Variants in FSTL4 observed in about 807,000 individuals in gnomAD.
FSTL4 encodes the protein follistatin-related protein 4.
In FSTL4, 28 loss-of-function variants were observed where a neutral mutation model predicts 78.2. The ratio of observed to expected loss-of-function variants is 0.36; its 90% confidence interval spans 0.27 to 0.49. The LOEUF (loss-of-function observed/expected upper bound fraction) is 0.49, where lower values mean the gene tolerates loss of function less well. Among genes scored for constraint, FSTL4 ranks in the 20% least tolerant of loss-of-function variants. The pLI is 0.98. For missense variants in FSTL4, 922 were observed against 1,084.9 expected (o/e 0.85, Z 2.11); for synonymous variants, 422 against 440.5 (o/e 0.96, Z 0.53).
chr5:133,527,902 C>T lies in FSTL4; in HGVS notation c.160+39284G>A, dbSNP rs148718821. On this transcript the variant is annotated intron_variant, in intron 3 of 15. Coordinates refer to ENST00000265342, the MANE Select transcript of FSTL4 (RefSeq NM_015082.2). ...AGCCTTGGCCTTGCTTGGCTTCCCA[C>T]CCCCAAGGAACACTGGGCACTCACC... Among the ~76,000 whole-genome samples the T allele has an allele frequency of 3.8e-3, 575 of 152,282 alleles. 1 individual carries two copies. The highest frequency in any genetic ancestry group is 6.4e-3 in the Non-Finnish European group (434 of 68,020).
intron 3 of FSTL4, among the ~76,000 whole-genome samples, chr5:133,401,875 C>T (rs1468133740): frequency 6.6e-6 from 1 of 152,020 alleles, no homozygotes; most frequent in Admixed American, 6.6e-5. Context: ...GGTTGGGGGT[C>T]AAGGTGTGAT....
chr5:133,552,151 C>T (rs983135291), intron 3 of FSTL4, among the ~76,000 whole-genome samples: 1 of 152,182 alleles, frequency 6.6e-6, no homozygotes, highest in Non-Finnish European at 1.5e-5. Flanking sequence ...CCTCCACTTT[C>T]CTCTCTCCCC....
At chr5:133,207,177 T>G (rs1750543809) in intron 14 of FSTL4, among the ~76,000 whole-genome samples, 1 of 152,266 alleles carries the variant, frequency 6.6e-6, no homozygotes, top group Non-Finnish European at 1.5e-5. Flanking sequence ...CTTGTTTATA[T>G]TCAATTTTCC....
At chr5:133,256,376 GT>G (rs1752381276) in intron 6 of FSTL4, 1 of 152,270 alleles carries the variant, frequency 6.6e-6, no homozygotes, top group Admixed American at 6.5e-5. Flanking sequence ...TGTGACCAGA[GT>G]CACACTGTGA....
chr5:133,825,525 T>C, the FSTL4 span, among the ~76,000 whole-genome samples: 1 of 152,272 alleles, frequency 6.6e-6, no homozygotes, highest in Non-Finnish European at 1.5e-5. Flanking sequence ...TGAATTAGCT[T>C]AGTTTTAATC....
the FSTL4 span, among the ~76,000 whole-genome samples, chr5:133,791,638 C>T: frequency 6.6e-6 from 1 of 152,198 alleles, no homozygotes; most frequent in Non-Finnish European, 1.5e-5. Flanking sequence ...CCTGGATGTC[C>T]CTCCCCAGAA....
At chr5:133,266,245 C>T (rs973139906) in intron 6 of FSTL4, among the ~76,000 whole-genome samples, 7 of 152,240 alleles carry the variant, frequency 4.6e-5, no homozygotes, top group African/African-American at 9.6e-5. Context: ...GACCACAGCA[C>T]GCACACCCAA....
chr5:133,468,172 G>A (rs1381474617), intron 3 of FSTL4, among the ~76,000 whole-genome samples: 1 of 152,210 alleles, frequency 6.6e-6, no homozygotes, highest in Non-Finnish European at 1.5e-5. Flanking sequence ...CCATGGGGAA[G>A]GCTGGGGGAG....
upstream of FSTL4, among the ~76,000 whole-genome samples, chr5:133,614,796 G>A (rs956313498): frequency 5.9e-5 from 9 of 152,132 alleles, no homozygotes; most frequent in Non-Finnish European, 2.9e-5. Flanking sequence ...GCTTGGAATA[G>A]GGGAGCTAAA....
At chr5:133,645,423 C>T in the FSTL4 span, among the ~76,000 whole-genome samples, 1 of 152,118 alleles carries the variant, frequency 6.6e-6, no homozygotes, top group African/African-American at 2.4e-5. Flanking sequence ...CAAGGTCAGG[C>T]ATTTCTAATC....
chr5:133,282,725 G>A (rs1753038415), intron 6 of FSTL4, among the ~76,000 whole-genome samples: 1 of 152,090 alleles, frequency 6.6e-6, no homozygotes, highest in Non-Finnish European at 1.5e-5. Context: ...ACTCCATCTG[G>A]TCAATGGGAA....
intron 4 of FSTL4, among the ~76,000 whole-genome samples, chr5:133,331,155 A>AG (rs1269697901): frequency 1.3e-5 from 2 of 152,182 alleles, no homozygotes; most frequent in Admixed American, 6.5e-5. Flanking sequence ...AGGTCCCGGC[A>AG]GGGCCTTCTC....
chr5:133,438,372 G>T (rs1470268995), intron 3 of FSTL4, among the ~76,000 whole-genome samples: 2 of 152,206 alleles, frequency 1.3e-5, no homozygotes, highest in African/African-American at 2.4e-5. Flanking sequence ...TTTGGTGTGG[G>T]TATTTCAAAA....
chr5:133,647,763 C>A, the FSTL4 span, among the ~76,000 whole-genome samples: 1 of 152,156 alleles, frequency 6.6e-6, no homozygotes, highest in African/African-American at 2.4e-5. Context: ...TAAGGTCATG[C>A]CCAACTCTAA....
intron 6 of FSTL4, among the ~76,000 whole-genome samples, chr5:133,278,985 C>T (rs560779970): frequency 6.6e-6 from 1 of 152,234 alleles, no homozygotes; most frequent in Non-Finnish European, 1.5e-5. Context: ...CCGCCCTGCA[C>T]TGGGAGGCCC....
intron 3 of FSTL4, among the ~76,000 whole-genome samples, chr5:133,496,542 T>C (rs895853462): frequency 2.0e-5 from 3 of 152,180 alleles, no homozygotes; most frequent in Non-Finnish European, 4.4e-5. Flanking sequence ...ATTCATGGCA[T>C]GAGGCTTTGA....
chr5:133,543,651 A>G (rs1243460998), intron 3 of FSTL4, among the ~76,000 whole-genome samples: 1 of 150,906 alleles, frequency 6.6e-6, no homozygotes. Flanking sequence ...TTCATCTTTT[A>G]TTTTCAGCCT....
At chr5:133,548,477 C>T (rs976540209) in intron 3 of FSTL4, among the ~76,000 whole-genome samples, 6 of 152,016 alleles carry the variant, frequency 3.9e-5, no homozygotes, top group African/African-American at 9.7e-5. Context: ...AGGAATAAGG[C>T]CTATACATTA....
intron 3 of FSTL4, 93 bp from the exon 4 acceptor site, chr5:133,401,079 T>G: frequency 6.9e-7 from 1 of 1,446,970 alleles, no homozygotes; most frequent in Admixed American, 1.8e-5. Flanking sequence ...ACAGACTCCA[T>G]TTGCCTGTGC....
Sources: allele counts gnomAD v4.1 joint callset (sites outside exome capture counted in the v4.1 genomes callset), GRCh38; gene constraint gnomAD v4.1.1; transcripts MANE v1.5; gene names NCBI Gene and HGNC (gene_info 2026-07-23, HGNC 2026-07-21).